Variants in WDR7 observed in about 807,000 individuals in gnomAD.
WDR7 encodes WD repeat domain 7.
A neutral mutation model predicts 169.4 loss-of-function variants in WDR7; 46 were observed. That is an observed-to-expected ratio of 0.27 (90% CI 0.21 to 0.35). The LOEUF is 0.35. Among genes scored for constraint, WDR7 ranks in the 10% least tolerant of loss-of-function variants. WDR7 has a pLI of 1.00. For missense variants in WDR7, 1,534 were observed against 1,859.3 expected, an observed-to-expected ratio of 0.83 and a Z score of 3.22; for synonymous variants, 612 against 666.8, an observed-to-expected ratio of 0.92 and a Z score of 1.27.
At chr18:56,668,446 C>G (rs2025066339) in intron 1 of WDR7, among the ~76,000 whole-genome samples, 1 of 152,132 alleles carries the variant, frequency 6.6e-6, no homozygotes, top group Non-Finnish European at 1.5e-5. Flanking sequence ...TTTTGTGTTT[C>G]CATATGTCTT....
intron 20 of WDR7, among the ~76,000 whole-genome samples, chr18:56,857,477 G>T (rs78806198): frequency 0.039 from 5,917 of 152,076 alleles, 143 homozygotes; most frequent in Middle Eastern, 0.075. Flanking sequence ...GGCCGGTCAC[G>T]AACTCCTGAG....
chr18:57,005,897 C>G (rs1282690777), intron 26 of WDR7, among the ~76,000 whole-genome samples: 3 of 152,112 alleles, frequency 2.0e-5, no homozygotes, highest in African/African-American at 7.2e-5. Context: ...CCGCATGTGG[C>G]CCATAGACCA....
intron 16 of WDR7, among the ~76,000 whole-genome samples, chr18:56,767,879 A>G (rs1319480103): frequency 6.6e-6 from 1 of 152,126 alleles, no homozygotes; most frequent in Non-Finnish European, 1.5e-5. Flanking sequence ...CTGCAACAGT[A>G]TATGTTTTAT....
intron 12 of WDR7, among the ~76,000 whole-genome samples, chr18:56,713,421 A>C (rs1400469900): frequency 6.6e-6 from 1 of 152,214 alleles, no homozygotes. Context: ...TAGGTGATAC[A>C]TTGCACAGAA....
chr18:56,807,283 G>A (rs1599060528), intron 19 of WDR7, among the ~76,000 whole-genome samples: 1 of 151,852 alleles, frequency 6.6e-6, no homozygotes, highest in Middle Eastern at 3.4e-3. Flanking sequence ...AGGTTATAAT[G>A]TTAAGCTTAT....
At chr18:56,806,282 G>T (rs2044771859) in intron 19 of WDR7, among the ~76,000 whole-genome samples, 1 of 152,010 alleles carries the variant, frequency 6.6e-6, no homozygotes, top group African/African-American at 2.4e-5. Context: ...TTTTCCTCCT[G>T]CCTTCGCCAT....
chr18:56,923,455 A>G (rs2046756620), intron 21 of WDR7, among the ~76,000 whole-genome samples: 2 of 152,276 alleles, frequency 1.3e-5, no homozygotes, highest in African/African-American at 2.4e-5. Context: ...GCTTTTTCAA[A>G]CTACATGTTC....
intron 26 of WDR7, among the ~76,000 whole-genome samples, chr18:57,006,134 G>A (rs1181427911): frequency 1.3e-5 from 2 of 152,112 alleles, no homozygotes; most frequent in Non-Finnish European, 2.9e-5. Flanking sequence ...TAGTATTAAA[G>A]TGTGCCCTTA....
At chr18:56,923,817 A>T in intron 21 of WDR7, 105 bp from the exon 22 acceptor site, 3 of 1,134,176 alleles carry the variant, frequency 2.6e-6, no homozygotes, top group Non-Finnish European at 3.6e-6. Context: ...TACCTTTTTC[A>T]GTTAAAAAAT....
At chr18:56,818,312 C>G (rs2045020656) in intron 20 of WDR7, among the ~76,000 whole-genome samples, 1 of 152,112 alleles carries the variant, frequency 6.6e-6, no homozygotes, top group Non-Finnish European at 1.5e-5. Context: ...TTATGCACTA[C>G]CAAAGTCATG....
chr18:57,021,084 T>G (rs761095875), intron 27 of WDR7, among the ~76,000 whole-genome samples: 5 of 152,220 alleles, frequency 3.3e-5, no homozygotes, highest in Non-Finnish European at 5.9e-5. Flanking sequence ...GCTTGCAGTC[T>G]GAAGTAGACA....
At chr18:56,856,017 A>G (rs766582110) in intron 20 of WDR7, among the ~76,000 whole-genome samples, 8 of 152,104 alleles carry the variant, frequency 5.3e-5, no homozygotes, top group Admixed American at 2.6e-4. Context: ...TCACTCTGGT[A>G]CCTCTGGGAA....
intron 12 of WDR7, among the ~76,000 whole-genome samples, chr18:56,708,095 G>A (rs1038398311): frequency 2.0e-5 from 3 of 147,782 alleles, no homozygotes; most frequent in African/African-American, 5.0e-5. Context: ...ATACAGTGGC[G>A]CTATCTCTTC....
In WDR7 at chr18:56,756,805, C is replaced by T; in HGVS notation, c.2212C>T (p.Arg738Ter). The change falls in exon 15 of 28, where the codon CGA (arginine) becomes TGA (stop). Residue 738 changes from arginine to a stop codon, truncating the protein, a stop_gained. Transcript: ENST00000254442. LOFTEE classifies it high-confidence loss of function. ...DKGGSFLTGK[R>*]AAVLFQQVKE... ...AGGGGGCTCTTTTTTAACTGGAAAA[C>T]GAGCAGCAGTTCTCTTCCAACAAGT... 4 of 1,613,934 alleles carry T rather than the reference C, an allele frequency of 2.5e-6. No homozygotes were observed. Among genetic ancestry groups the T allele is most frequent in the Non-Finnish European group, 3.4e-6 (4 of 1,179,990 alleles).
chr18:56,687,493 A>G (rs1332915803), intron 7 of WDR7, among the ~76,000 whole-genome samples: 1 of 152,200 alleles, frequency 6.6e-6, no homozygotes, highest in African/African-American at 2.4e-5. Flanking sequence ...AAAGCTTGCC[A>G]TGTATTATTT....
intron 25 of WDR7, among the ~76,000 whole-genome samples, chr18:56,948,531 C>T (rs1379949088): frequency 3.9e-5 from 6 of 152,130 alleles, no homozygotes; most frequent in Non-Finnish European, 8.8e-5. Flanking sequence ...CTAGCTATGG[C>T]GCTTCATGTG....
rs35940662 is a variant in WDR7 at position 57,000,411 on chromosome 18, C to T, written c.4165-20334C>T. 3.1e-3 allele frequency among the ~76,000 whole-genome samples: 475 copies of T among 151,880 alleles called. 1 individual carries two copies. The highest frequency in any genetic ancestry group is 5.0e-3 in the Non-Finnish European group (343 of 67,938). On this transcript the variant is annotated intron_variant, in intron 26 of 27. Transcript: ENST00000254442. ...TATAAAAATATTGATTTTTTTCTGC[C>T]TTCATTGAATATTATTTTTGTTTCC...
intron 19 of WDR7, among the ~76,000 whole-genome samples, chr18:56,789,431 C>T (rs902038215): frequency 1.7e-4 from 26 of 152,354 alleles, no homozygotes; most frequent in Admixed American, 1.4e-3. Context: ...GGAACTCCTC[C>T]GCACAAGCGG....
chr18:56,781,758 C>CCACCTAAAACCCAGGCCAAATTTTCAT, intron 19 of WDR7, 102 bp downstream of exon 19: 1 of 1,209,084 alleles, frequency 8.3e-7, no homozygotes. Flanking sequence ...AAAAATGAGT[C>CCACCTAAAACCCAGGCCAAATTTTCAT]ACTGACCTTA....
Sources: gnomAD v4.1 joint callset for allele counts (sites outside exome capture counted in the v4.1 genomes callset) on GRCh38, gnomAD v4.1.1 for gene constraint, MANE v1.5 for transcripts, NCBI Gene and HGNC (gene_info 2026-07-23, HGNC 2026-07-21) for gene names.